The following CADM2 variants were observed in gnomAD, a reference collection of about 807,000 sequenced individuals.
CADM2 encodes immunoglobulin superfamily member 4D.
CADM2 carries 12 observed loss-of-function variants against 49.8 expected under a neutral mutation model. The ratio of observed to expected loss-of-function variants is 0.24; its 90% CI spans 0.15 to 0.39. CADM2 has a LOEUF of 0.39. Ranked by LOEUF, CADM2 falls within the 10% of genes least tolerant of loss-of-function variation. The probability of loss-of-function intolerance (pLI) is 1.00; values close to 1 mark genes in which losing one functional copy is unlikely to be tolerated. For synonymous variants in CADM2, 214 were observed against 175.4 expected, an observed-to-expected ratio of 1.22 and a Z score of -1.74; for missense variants, 378 against 492.3, an observed-to-expected ratio of 0.77 and a Z score of 2.20.
intron 2 of CADM2, among the ~76,000 whole-genome samples, chr3:85,745,014 C>T (rs1038761760): frequency 6.6e-6 from 1 of 152,010 alleles, no homozygotes; most frequent in Non-Finnish European, 1.5e-5. Flanking sequence ...TTATTATGTG[C>T]TAGTGTGGCG....
At chr3:85,607,516 A>G (rs1412121227) in intron 1 of CADM2, among the ~76,000 whole-genome samples, 1 of 152,182 alleles carries the variant, frequency 6.6e-6, no homozygotes, top group African/African-American at 2.4e-5. Context: ...TGGAATTAGA[A>G]TGTTCCTAAC....
chr3:85,960,537 A>G (rs1421561158), intron 7 of CADM2, among the ~76,000 whole-genome samples: 1 of 151,988 alleles, frequency 6.6e-6, no homozygotes, highest in Non-Finnish European at 1.5e-5. Context: ...TATATGCAGC[A>G]CATTTTAAAA....
At chr3:85,119,248 CA>C (rs933085097) in intron 1 of CADM2, among the ~76,000 whole-genome samples, 5 of 151,884 alleles carry the variant, frequency 3.3e-5, no homozygotes, top group African/African-American at 4.8e-5. Context: ...CCTGTCTCTA[CA>C]AAAAAAATCC....
At chr3:85,804,782 CAA>C (rs1191337252) in intron 3 of CADM2, among the ~76,000 whole-genome samples, 2 of 152,030 alleles carry the variant, frequency 1.3e-5, no homozygotes, top group African/African-American at 2.4e-5. Flanking sequence ...AAAAGATTTG[CAA>C]AGACTTGAAT....
At chr3:85,733,668 G>A (rs2068022796) in intron 2 of CADM2, among the ~76,000 whole-genome samples, 1 of 152,060 alleles carries the variant, frequency 6.6e-6, no homozygotes, top group Admixed American at 6.6e-5. Context: ...CAACTCATTT[G>A]CCATGAAAAC....
At chr3:85,335,520 AATT>A (rs1269588361) in intron 1 of CADM2, among the ~76,000 whole-genome samples, 1 of 151,376 alleles carries the variant, frequency 6.6e-6, no homozygotes, top group East Asian at 1.9e-4. Flanking sequence ...AACAAATTGG[AATT>A]ATTAGCATAT....
At chr3:85,289,091 CTCTT>C (rs1237091074) in intron 1 of CADM2, among the ~76,000 whole-genome samples, 2 of 152,130 alleles carry the variant, frequency 1.3e-5, no homozygotes, top group African/African-American at 4.8e-5. Context: ...GAGTGAGTGA[CTCTT>C]TCTTATAGAC....
chr3:85,590,305 T>C (rs6794759), intron 1 of CADM2, among the ~76,000 whole-genome samples: 30,203 of 151,938 alleles, frequency 0.2, 3,785 homozygotes, highest in East Asian at 0.3. Flanking sequence ...TTGTCATAAA[T>C]ACCAACCCAG....
chr3:85,767,854 C>T (rs1261999621), intron 2 of CADM2, among the ~76,000 whole-genome samples: 3 of 152,090 alleles, frequency 2.0e-5, no homozygotes, highest in Non-Finnish European at 2.9e-5. Flanking sequence ...GGTAGAGCTA[C>T]CTGTTTAATA....
In CADM2 at chr3:85,637,331, G is replaced by A. The variant is rs866961337; in HGVS notation, c.62-89191G>A. 5.3e-5 allele frequency among the ~76,000 whole-genome samples: 8 copies of A among 151,802 alleles called. 1 individual carries two copies. The South Asian group carries it at 8.3e-4, about 16-fold the overall frequency. ...TTAAAAGGTATTATTGGCCGGGCGC[G>A]GTGGCTCACGCCTGTAATCCCAGCA... On this transcript the variant is annotated intron_variant, in intron 1 of 9. Transcript: ENST00000383699.
intron 2 of CADM2, among the ~76,000 whole-genome samples, chr3:85,787,344 A>G (rs999588827): frequency 2.0e-5 from 3 of 152,124 alleles, no homozygotes; most frequent in Non-Finnish European, 4.4e-5. Flanking sequence ...TAAATCAATT[A>G]TCCCAGGATT....
intron 1 of CADM2, among the ~76,000 whole-genome samples, chr3:85,616,629 G>T (rs189832040): frequency 8.5e-5 from 13 of 152,200 alleles, no homozygotes; most frequent in Non-Finnish European, 1.9e-4. Context: ...AAACCCAGTG[G>T]ATATTCCCAC....
At chr3:85,786,757 A>G (rs6549055) in intron 2 of CADM2, among the ~76,000 whole-genome samples, 62,418 of 151,776 alleles carry the variant, frequency 0.41, 13,506 homozygotes, top group East Asian at 0.76. Context: ...AATATTATGT[A>G]TATGTATACC....
At chr3:85,639,845 T>TA (rs1004061332) in intron 1 of CADM2, among the ~76,000 whole-genome samples, 59 of 151,862 alleles carry the variant, frequency 3.9e-4, no homozygotes, top group African/African-American at 9.2e-4. Context: ...ATGAAATAAA[T>TA]AAAAAAAATG....
chr3:85,905,189 T>C (rs1262984146), intron 5 of CADM2, among the ~76,000 whole-genome samples: 1 of 152,138 alleles, frequency 6.6e-6, no homozygotes, highest in African/African-American at 2.4e-5. Context: ...TCTAATCTAG[T>C]TGATCTGCAG....
chr3:85,350,050 A>G (rs1368262151), intron 1 of CADM2, among the ~76,000 whole-genome samples: 1 of 152,248 alleles, frequency 6.6e-6, no homozygotes, highest in African/African-American at 2.4e-5. Context: ...TTCTGAAATA[A>G]TAAATTATGC....
chr3:85,798,165 T>C (rs188588811), intron 2 of CADM2, among the ~76,000 whole-genome samples: 3 of 152,292 alleles, frequency 2.0e-5, no homozygotes. Context: ...ATTCAGGATA[T>C]TAGACCTTTG....
intron 1 of CADM2, among the ~76,000 whole-genome samples, chr3:85,057,348 T>C (rs2036121531): frequency 6.6e-6 from 1 of 152,056 alleles, no homozygotes; most frequent in African/African-American, 2.4e-5. Flanking sequence ...GTTACAGAAC[T>C]TTCATTTTTA....
At chr3:85,239,269 T>A (rs530295256) in intron 1 of CADM2, among the ~76,000 whole-genome samples, 1 of 151,972 alleles carries the variant, frequency 6.6e-6, no homozygotes, top group South Asian at 2.1e-4. Context: ...TGCCGATGTC[T>A]TTTGACAGAG....
Sources: gnomAD v4.1 joint callset for allele counts (sites outside exome capture counted in the v4.1 genomes callset) on GRCh38, gnomAD v4.1.1 for gene constraint, MANE v1.5 for transcripts, NCBI Gene and HGNC (gene_info 2026-07-23, HGNC 2026-07-21) for gene names.